The following OXR1 variants were observed in gnomAD, a reference collection of about 807,000 sequenced individuals.
OXR1 encodes oxidation resistance 1.
Under a neutral mutation model 104.6 loss-of-function variants are expected in OXR1, and 41 were observed. The ratio of observed to expected loss-of-function variants is 0.39; its 90% CI spans 0.31 to 0.51. The LOEUF (loss-of-function observed/expected upper bound fraction) is 0.51, where lower values mean the gene tolerates loss of function less well. OXR1 is among the 20% of genes least tolerant of loss of function. The pLI, the probability that OXR1 is intolerant of heterozygous loss-of-function variation, is 0.77. For missense variants in OXR1, 955 were observed against 1,031.9 expected (o/e 0.93, Z 1.02); for synonymous variants, 348 against 348.4 (o/e 1.00, Z 0.01).
intron 13 of OXR1, 71 bp from the exon 14 acceptor site, chr8:106,740,272 C>T: frequency 3.5e-6 from 4 of 1,149,554 alleles, no homozygotes; most frequent in East Asian, 2.5e-5. Flanking sequence ...CATTACATTC[C>T]AGCTGGCATT....
chr8:106,376,718 C>T (rs779869433), intron 2 of OXR1, among the ~76,000 whole-genome samples: 1 of 152,140 alleles, frequency 6.6e-6, no homozygotes, highest in Non-Finnish European at 1.5e-5. Context: ...TGGGGTTCCA[C>T]CTCTGATTTC....
At chr8:106,418,468 T>C (rs1818770004) in intron 2 of OXR1, among the ~76,000 whole-genome samples, 1 of 152,092 alleles carries the variant, frequency 6.6e-6, no homozygotes, top group Admixed American at 6.6e-5. Flanking sequence ...TTAGTGACTT[T>C]TCTTCTAACA....
At chr8:106,577,594 C>A (rs1049713541) in intron 3 of OXR1, among the ~76,000 whole-genome samples, 35 of 151,874 alleles carry the variant, frequency 2.3e-4, no homozygotes, top group African/African-American at 8.2e-4. Context: ...TTTACCAGGT[C>A]GGCCAGGCTG....
chr8:106,645,147 T>C (rs534979145), intron 3 of OXR1, among the ~76,000 whole-genome samples: 1 of 152,328 alleles, frequency 6.6e-6, no homozygotes, highest in East Asian at 1.9e-4. Context: ...TGTGCTTACA[T>C]ATCATGCAGT....
chr8:106,357,376 A>G (rs1816016867), intron 1 of OXR1, among the ~76,000 whole-genome samples: 1 of 152,162 alleles, frequency 6.6e-6, no homozygotes, highest in Non-Finnish European at 1.5e-5. Flanking sequence ...TACCAAGGAC[A>G]GGATAGACAG....
intron 2 of OXR1, among the ~76,000 whole-genome samples, chr8:106,516,788 AAGAG>A (rs1447512738): frequency 1.3e-5 from 2 of 152,166 alleles, no homozygotes; most frequent in African/African-American, 4.8e-5. Flanking sequence ...AAGAGAGAGA[AAGAG>A]AGAGACCTCA....
intron 1 of OXR1, among the ~76,000 whole-genome samples, chr8:106,348,059 A>G (rs1471758913): frequency 6.6e-6 from 1 of 152,200 alleles, no homozygotes; most frequent in African/African-American, 2.4e-5. Flanking sequence ...TGCAAGACTA[A>G]TATTTCTATT....
At chr8:106,698,455 G>T (rs1053680767) in intron 7 of OXR1, among the ~76,000 whole-genome samples, 5 of 152,076 alleles carry the variant, frequency 3.3e-5, no homozygotes, top group African/African-American at 1.2e-4. Context: ...GAAAATATTT[G>T]ACCAGATTTC....
At chr8:106,584,320 G>T (rs1036775627) in intron 3 of OXR1, among the ~76,000 whole-genome samples, 7 of 151,690 alleles carry the variant, frequency 4.6e-5, no homozygotes, top group African/African-American at 1.7e-4. Context: ...AAAGAGAGGG[G>T]TGTTCGGGGG....
intron 3 of OXR1, among the ~76,000 whole-genome samples, chr8:106,524,030 C>A (rs1813463810): frequency 6.6e-6 from 1 of 152,138 alleles, no homozygotes; most frequent in Non-Finnish European, 1.5e-5. Flanking sequence ...TCTGCCTCGA[C>A]CTCCCAAAGT....
chr8:106,525,711 G>A (rs962282359), intron 3 of OXR1, among the ~76,000 whole-genome samples: 2 of 152,170 alleles, frequency 1.3e-5, no homozygotes, highest in Non-Finnish European at 2.9e-5. Context: ...TAATACCTCT[G>A]GAACTTTCCT....
chr8:106,519,524 T>A (rs1813105719), intron 3 of OXR1, among the ~76,000 whole-genome samples: 1 of 152,226 alleles, frequency 6.6e-6, no homozygotes. Context: ...ATTTTCATTT[T>A]CCCTTCAGGC....
In OXR1 at chr8:106,671,044, CAA is replaced by C. The variant is rs60404483; in HGVS notation, c.221-8148_221-8147del. 3.2e-3 allele frequency among the ~76,000 whole-genome samples: 157 copies of C among 48,932 alleles called. 4 individuals carry two copies. The highest frequency in any genetic ancestry group is 0.018 in the African/African-American group (146 of 8,156). The allele number at this position is 48,932 out of a possible 152,430, so 32.1% of individuals were successfully genotyped here. ...TGGGTGACAGAGTGAGACTCTGTCT[CAA>C]AAAAAAAAAAAAAAAAAGAATGGCT... On this transcript the variant is annotated intron_variant, in intron 3 of 16. Transcript: ENST00000517566.
At chr8:106,339,517 AAAATATAT>A (rs1404082103) in intron 1 of OXR1, among the ~76,000 whole-genome samples, 1,203 of 29,290 alleles carry the variant, frequency 0.041, 62 homozygotes, top group South Asian at 0.12. Flanking sequence ...AAAAAAAAAA[AAAATATAT>A]ATATATATAT....
chr8:106,515,668 C>CT (rs1039734820), intron 2 of OXR1, among the ~76,000 whole-genome samples: 25 of 152,008 alleles, frequency 1.6e-4, no homozygotes, highest in Admixed American at 8.5e-4. Context: ...TCTTAAACTG[C>CT]TTTTTTTATT....
intron 1 of OXR1, among the ~76,000 whole-genome samples, chr8:106,355,265 ATG>A (rs1288181947): frequency 6.6e-6 from 1 of 152,202 alleles, no homozygotes; most frequent in Non-Finnish European, 1.5e-5. Context: ...ATGAATTCAT[ATG>A]TAAGTGTGGA....
chr8:106,662,162 TA>T (rs1825826716), intron 3 of OXR1, among the ~76,000 whole-genome samples: 5 of 152,200 alleles, frequency 3.3e-5, no homozygotes, highest in Admixed American at 3.3e-4. Context: ...TAACATCTGG[TA>T]ATACCAACCA....
chr8:106,613,619 G>A (rs559935383), intron 3 of OXR1, among the ~76,000 whole-genome samples: 1 of 152,254 alleles, frequency 6.6e-6, no homozygotes, highest in African/African-American at 2.4e-5. Flanking sequence ...GGCTGGTCTC[G>A]AACTCCTGAC....
chr8:106,323,569 C>G (rs1814324045), intron 1 of OXR1, among the ~76,000 whole-genome samples: 1 of 152,092 alleles, frequency 6.6e-6, no homozygotes, highest in South Asian at 2.1e-4. Context: ...ACAGAGTAAA[C>G]AACAACCTGC....
Sources: gnomAD v4.1 joint callset for allele counts (sites outside exome capture counted in the v4.1 genomes callset) on GRCh38, gnomAD v4.1.1 for gene constraint, MANE v1.5 for transcripts, NCBI Gene and HGNC (gene_info 2026-07-23, HGNC 2026-07-21) for gene names.